The following ULK4 variants were observed in gnomAD, a reference collection of about 807,000 sequenced individuals.
ULK4 encodes inactive serine/threonine-protein kinase ULK4.
A neutral mutation model predicts 160.6 loss-of-function variants in ULK4; 133 were observed. That is an observed-to-expected ratio of 0.83 (90% confidence interval 0.72 to 0.96). ULK4 has a LOEUF of 0.96. Ranked by LOEUF, ULK4 falls within the 40% of genes least tolerant of loss-of-function variation. ULK4 has a pLI of 0.00. For missense variants in ULK4, 1,580 were observed against 1,499.5 expected (o/e 1.05, Z -0.89); for synonymous variants, 534 against 539.8 (o/e 0.99, Z 0.15).
intron 32 of ULK4, among the ~76,000 whole-genome samples, chr3:41,474,381 A>G (rs57446285): frequency 0.026 from 4,032 of 152,304 alleles, 82 homozygotes; most frequent in African/African-American, 0.054. Flanking sequence ...AGACTCAGAC[A>G]TAAGACCTGA....
intron 2 of ULK4, among the ~76,000 whole-genome samples, chr3:41,954,380 C>T (rs1576014686): frequency 6.6e-6 from 1 of 150,922 alleles, no homozygotes; most frequent in East Asian, 2.0e-4. Context: ...AGTATAGTTT[C>T]CCCAATTTAT....
At chr3:41,290,989 G>C (rs2079549218) in intron 35 of ULK4, among the ~76,000 whole-genome samples, 1 of 152,214 alleles carries the variant, frequency 6.6e-6, no homozygotes, top group South Asian at 2.1e-4. Context: ...GCTGGTGTGA[G>C]GTTTGCTAAT....
At chr3:41,782,268 A>G (rs1299420856) in intron 21 of ULK4, among the ~76,000 whole-genome samples, 3 of 152,090 alleles carry the variant, frequency 2.0e-5, no homozygotes, top group Non-Finnish European at 4.4e-5. Context: ...TATCAGAAAC[A>G]GAAATATTTT....
Position 41,663,627 on chromosome 3 carries a change from T to A in ULK4, c.3051A>T (p.Glu1017Asp), listed in dbSNP as rs571867413. 3.7e-6 allele frequency: 6 copies of A among 1,613,938 alleles called. No individual in the cohort carries two copies. The African/African-American group carries it at 5.3e-5, about 14-fold the overall frequency. Residue 1017 changes from glutamate (E) to aspartate (D), a missense_variant, in exon 30 of 37, where the codon GAA becomes GAT. Glu to Asp is a conservative substitution (Grantham distance 45). Transcript: ENST00000301831. ...AGTACCTTGTGAAAGTTGGGTTGTG[T>A]TCAGTCATCGCGACTAGCAGTTTCA... ...YALKLLVAMT[E>D]HNPTFTRLVE...
intron 32 of ULK4, among the ~76,000 whole-genome samples, chr3:41,493,806 C>A (rs1381566485): frequency 6.8e-6 from 1 of 147,172 alleles, no homozygotes; most frequent in Non-Finnish European, 1.5e-5. Flanking sequence ...AACACCTCTA[C>A]ACAAATAAAC....
At chr3:41,326,108 T>C (rs1158324431) in intron 35 of ULK4, among the ~76,000 whole-genome samples, 1 of 152,150 alleles carries the variant, frequency 6.6e-6, no homozygotes, top group Non-Finnish European at 1.5e-5. Flanking sequence ...GCTAGGACCA[T>C]TGGCTTTAGC....
intron 32 of ULK4, among the ~76,000 whole-genome samples, chr3:41,490,237 T>A (rs371439438): frequency 1.3e-5 from 2 of 152,186 alleles, no homozygotes; most frequent in Non-Finnish European, 2.9e-5. Flanking sequence ...CTTAACATCA[T>A]TGACATAATG....
chr3:41,959,648 A>G (rs1487178915), intron 1 of ULK4, among the ~76,000 whole-genome samples: 1 of 152,176 alleles, frequency 6.6e-6, no homozygotes, highest in Non-Finnish European at 1.5e-5. Flanking sequence ...ATTAAAAAGA[A>G]CCAATCCTGG....
chr3:41,822,870 C>T (rs1027301301), intron 18 of ULK4, among the ~76,000 whole-genome samples: 5 of 149,962 alleles, frequency 3.3e-5, no homozygotes, highest in Admixed American at 6.7e-5. Context: ...TACAGGCGCC[C>T]ACCACCACAC....
intron 35 of ULK4, among the ~76,000 whole-genome samples, chr3:41,397,640 A>G (rs2125814209): frequency 6.6e-6 from 1 of 152,294 alleles, no homozygotes; most frequent in East Asian, 1.9e-4. Flanking sequence ...ACACATGTCT[A>G]CCAAAATACA....
At chr3:41,252,609 G>GAAAA (rs35292590) in intron 35 of ULK4, among the ~76,000 whole-genome samples, 2 of 104,522 alleles carry the variant, frequency 1.9e-5, no homozygotes, top group Non-Finnish European at 3.8e-5. Context: ...AGCAGAGATT[G>GAAAA]AAAAAAAAAA....
chr3:41,540,979 T>C (rs552308502), intron 32 of ULK4, among the ~76,000 whole-genome samples: 1 of 152,320 alleles, frequency 6.6e-6, no homozygotes, highest in East Asian at 1.9e-4. Context: ...ATTCTGTAGG[T>C]TGCCTGTTCA....
intron 32 of ULK4, among the ~76,000 whole-genome samples, chr3:41,554,083 A>G (rs2087191493): frequency 6.6e-6 from 1 of 152,118 alleles, no homozygotes; most frequent in East Asian, 1.9e-4. Context: ...AGAACATGTG[A>G]AATTTGTCTT....
intron 35 of ULK4, among the ~76,000 whole-genome samples, chr3:41,263,882 CTG>C (rs2078986404): frequency 6.6e-6 from 1 of 152,204 alleles, no homozygotes; most frequent in Non-Finnish European, 1.5e-5. Flanking sequence ...GTGTTGGACT[CTG>C]TTTAGATTCT....
At chr3:41,427,495 G>A (rs1307719792) in intron 34 of ULK4, among the ~76,000 whole-genome samples, 1 of 152,152 alleles carries the variant, frequency 6.6e-6, no homozygotes, top group Non-Finnish European at 1.5e-5. Flanking sequence ...CACTGTCCCT[G>A]ATGAACATCA....
At chr3:41,379,872 A>C (rs1374933158) in intron 35 of ULK4, among the ~76,000 whole-genome samples, 1 of 152,172 alleles carries the variant, frequency 6.6e-6, no homozygotes, top group South Asian at 2.1e-4. Flanking sequence ...GGGTAGTGAG[A>C]GTGGCAGAGG....
At chr3:41,949,865 T>C (rs1286417682) in intron 2 of ULK4, among the ~76,000 whole-genome samples, 1 of 151,590 alleles carries the variant, frequency 6.6e-6, no homozygotes, top group Admixed American at 6.6e-5. Context: ...ACCTCCCAAG[T>C]AGCTGAGAGT....
At chr3:41,596,258 G>C (rs1400326567) in intron 31 of ULK4, among the ~76,000 whole-genome samples, 1 of 152,200 alleles carries the variant, frequency 6.6e-6, no homozygotes. Flanking sequence ...ACATAAAGCA[G>C]CATGAATTTC....
intron 6 of ULK4, among the ~76,000 whole-genome samples, 194 bp from the exon 7 acceptor site, chr3:41,918,734 T>A (rs113969512): frequency 0.057 from 8,601 of 151,104 alleles, 759 homozygotes; most frequent in African/African-American, 0.2. Context: ...CCCCAGCAGC[T>A]GGGACCACAG....
Sources: allele counts gnomAD v4.1 joint callset (sites outside exome capture counted in the v4.1 genomes callset), GRCh38; gene constraint gnomAD v4.1.1; transcripts MANE v1.5; gene names NCBI Gene and HGNC (gene_info 2026-07-23, HGNC 2026-07-21).